Variants in RARRES1 observed in about 807,000 individuals in gnomAD.
RARRES1 encodes the protein retinoic acid receptor responder 1, also known as retinoic acid receptor responder protein 1.
RARRES1 carries 34 observed loss-of-function variants against 30.6 expected under a neutral mutation model. That is an observed-to-expected ratio of 1.11 (90% CI 0.84 to 1.48). The LOEUF (loss-of-function observed/expected upper bound fraction) is 1.48. Among genes scored for constraint, RARRES1 ranks in the 40% most tolerant of loss-of-function variants. RARRES1 has a pLI of 0.00. For synonymous variants in RARRES1, 153 were observed against 155.5 expected (o/e 0.98, Z 0.12); for missense variants, 373 against 386.5 (o/e 0.97, Z 0.29).
intron 1 of RARRES1, among the ~76,000 whole-genome samples, chr3:158,730,365 C>CCCCTTCCTTCCTTCCTTCCTTCCTTCCT (rs1553746330): frequency 8.3e-6 from 1 of 120,240 alleles, no homozygotes; most frequent in South Asian, 2.9e-4. Flanking sequence ...GAATAGGTTG[C>CCCCTTCCTTCCTTCCTTCCTTCCTTCCT]TCCTTCCTTC....
chr3:158,708,081 G>A (rs868027673), intron 3 of RARRES1, among the ~76,000 whole-genome samples: 8 of 152,120 alleles, frequency 5.3e-5, no homozygotes, highest in Admixed American at 1.3e-4. Context: ...AGCATTTCAC[G>A]AATGAATTTT....
In RARRES1 at chr3:158,707,041, C is replaced by T. The variant is rs544472736; in HGVS notation, c.536-2114G>A. On this transcript the variant is annotated intron_variant, in intron 3 of 5. Coordinates refer to ENST00000237696, the MANE Select transcript of RARRES1 (RefSeq NM_206963.2). The stretch of plus-strand genomic sequence containing the variant: ...AAAATTAGCTGGGTGTGGTGGCACA[C>T]GCCTGTAATCTCAGATACTCTGGAG... Among the ~76,000 whole-genome samples the T allele has an allele frequency of 4.6e-4, 70 of 152,180 alleles. 1 individual carries two copies. Among genetic ancestry groups the T allele is most frequent in the South Asian group, 8.3e-4 (4 of 4,820 alleles).
At chr3:158,702,156 G>A (rs906125289) in intron 4 of RARRES1, among the ~76,000 whole-genome samples, 3 of 152,110 alleles carry the variant, frequency 2.0e-5, no homozygotes, top group Non-Finnish European at 4.4e-5. Context: ...TCCTACCTCA[G>A]CCTCCCGAGT....
intron 1 of RARRES1, among the ~76,000 whole-genome samples, chr3:158,726,120 G>A (rs1034822768): frequency 6.6e-6 from 1 of 152,068 alleles, no homozygotes; most frequent in Non-Finnish European, 1.5e-5. Context: ...TTCTCCCTTA[G>A]TTCACTTGAG....
rs1215087147 is a variant in RARRES1 at position 158,710,831 on chromosome 3, G to A, written c.442C>T (p.Leu148Phe). The change falls in exon 3 of 6, where the codon CTC becomes TTC. Residue 148 changes from leucine (L) to phenylalanine (F), a missense_variant. Coordinates refer to ENST00000237696, the MANE Select transcript of RARRES1 (RefSeq NM_206963.2). ...RPTINVTCTR[L>F]IEKKKRQQED... is the part of the protein sequence containing the mutation. ...TGTTGTCTTTTCTTTTTCTCGATGAGCCGTGTACAAGTTACATTGATGGTT... is the reference window on the plus strand; with the variant it reads ...TGTTGTCTTTTCTTTTTCTCGATGAACCGTGTACAAGTTACATTGATGGTT... The A allele has an allele frequency of 1.9e-6, 3 of 1,613,122 alleles. No individual in the cohort carries two copies. In the African/African-American group the frequency reaches 4.0e-5, roughly 22 times the overall value.
intron 3 of RARRES1, among the ~76,000 whole-genome samples, chr3:158,708,807 C>T (rs918691357): frequency 1.3e-5 from 2 of 152,104 alleles, no homozygotes; most frequent in African/African-American, 4.8e-5. Flanking sequence ...GCTGGGACTA[C>T]AGGCGCATGC....
intron 3 of RARRES1, among the ~76,000 whole-genome samples, 182 bp downstream of exon 3, chr3:158,710,556 G>C (rs139993324): frequency 1.3e-5 from 2 of 152,200 alleles, no homozygotes; most frequent in Non-Finnish European, 2.9e-5. Flanking sequence ...TTACTGTGTT[G>C]GATTAGAGAT....
rs139216148 is a variant in RARRES1 at position 158,699,434 on chromosome 3, A to ACCC, written c.673-1467_673-1465dup. 6.3e-3 allele frequency among the ~76,000 whole-genome samples: 867 copies of ACCC among 137,692 alleles called. 8 individuals carry two copies. The highest frequency in any genetic ancestry group is 0.021 in the African/African-American group (770 of 36,296). The allele number at this position is 137,692 out of a possible 152,430, so 90.3% of individuals were successfully genotyped here. On this transcript the variant is annotated intron_variant, in intron 4 of 5. Coordinates refer to ENST00000237696, the MANE Select transcript of RARRES1 (RefSeq NM_206963.2). ...GAATACTAAAGAATACAAAAAAGCA[A>ACCC]CCCCCCCCCCACCAAAAAAGTTTAG...
rs938058778 is a variant in RARRES1, at chr3:158,697,728, C to T, written c.835G>A (p.Gly279Arg). The T allele has an allele frequency of 2.6e-5, 42 of 1,613,310 alleles. No homozygotes were observed. The East Asian group carries it at 2.7e-4, about 10-fold the overall frequency. The change falls in exon 6 of 6, where the codon GGA (glycine) becomes AGA (arginine). Residue 279 changes from glycine (G) to arginine (R), a missense_variant. Physicochemically the swap from Gly to Arg is moderately radical, Grantham distance 125. Coordinates refer to ENST00000237696, the MANE Select transcript of RARRES1 (RefSeq NM_206963.2). ...QELQTPEEAS[G>R]TEEGSAVVPT... is the part of the protein sequence containing the mutation. ...ACTACAGCTGATCCTTCTTCAGTTCCGGAGGCTTCTTCTGGTGTCTGTAGC... is the reference window on the plus strand; with the variant it reads ...ACTACAGCTGATCCTTCTTCAGTTCTGGAGGCTTCTTCTGGTGTCTGTAGC...
In RARRES1 at chr3:158,697,101, C is replaced by T. The variant is rs993860901; in HGVS notation, c.*577G>A. 1.3e-5 allele frequency: 2 copies of T among 152,140 alleles called. No individual in the cohort carries two copies. The highest frequency in any genetic ancestry group is 2.9e-5 in the Non-Finnish European group (2 of 68,014). 9.4% of individuals were successfully genotyped at this position (152,140 alleles called of 1,614,324 possible). ...CAAATCTTCACGAGAACATTCAACACATTTCATTATTTAGAAATGTAAACA... is the reference window on the plus strand; with the variant it reads ...CAAATCTTCACGAGAACATTCAACATATTTCATTATTTAGAAATGTAAACA... On this transcript the variant is annotated 3_prime_UTR_variant, in exon 6 of 6. Coordinates refer to ENST00000237696, the MANE Select transcript of RARRES1 (RefSeq NM_206963.2).
intron 4 of RARRES1, among the ~76,000 whole-genome samples, chr3:158,701,136 C>T (rs1330172438): frequency 6.6e-6 from 1 of 152,090 alleles, no homozygotes; most frequent in African/African-American, 2.4e-5. Flanking sequence ...GCTTACAAAC[C>T]TGGTACTGAT....
At chr3:158,722,639 T>C (rs560741230) in intron 1 of RARRES1, among the ~76,000 whole-genome samples, 2 of 152,112 alleles carry the variant, frequency 1.3e-5, no homozygotes, top group African/African-American at 4.8e-5. Context: ...TCCCAGCACT[T>C]TGGGAGGCCG....
At chr3:158,722,984 C>T (rs1727566718) in intron 1 of RARRES1, among the ~76,000 whole-genome samples, 1 of 152,122 alleles carries the variant, frequency 6.6e-6, no homozygotes, top group Non-Finnish European at 1.5e-5. Context: ...GGAGAAACCT[C>T]GCTGTGCACC....
chr3:158,730,252 G>A (rs1208327926), intron 1 of RARRES1, among the ~76,000 whole-genome samples: 4 of 150,786 alleles, frequency 2.7e-5, no homozygotes, highest in African/African-American at 7.3e-5. Flanking sequence ...CCTGGTAGGC[G>A]GAGGTTGCAG....
rs1727582433 is a variant in RARRES1 at position 158,723,634 on chromosome 3, T to C, written c.276+8506A>G. Among the ~76,000 whole-genome samples, 1 of 152,238 alleles carries C rather than the reference T, an allele frequency of 6.6e-6. No individual in the cohort carries two copies. The highest frequency in any genetic ancestry group is 1.5e-5 in the Non-Finnish European group (1 of 68,048). On this transcript the variant is annotated intron_variant, in intron 1 of 5. Coordinates refer to ENST00000237696, the MANE Select transcript of RARRES1 (RefSeq NM_206963.2). The surrounding 1 kb of genome is among the most constrained non-coding windows in gnomAD (Gnocchi z 4.4). ...GCAATGGAGAGGAAAGCCAGAATAC[T>C]GTGTGTCCTCTCTCTCAGCCAACCC...
At chr3:158,722,911 C>CT (rs1442474450) in intron 1 of RARRES1, among the ~76,000 whole-genome samples, 4 of 151,940 alleles carry the variant, frequency 2.6e-5, no homozygotes, top group Non-Finnish European at 1.5e-5. Context: ...CTAACATCCC[C>CT]TTTAAACTCT....
In RARRES1 at chr3:158,704,210, CTTTT is replaced by C. The variant is rs78169321; in HGVS notation, c.672+577_672+580del. On this transcript the variant is annotated intron_variant, in intron 4 of 5. Transcript: ENST00000237696. ...AGGCCTTGCCTAGAATATTGCAATA[CTTTT>C]TTTTTTTTTTTTTTTTTTTTTTTTT... 1.4e-4 allele frequency among the ~76,000 whole-genome samples: 12 copies of C among 82,830 alleles called. No individual in the cohort carries two copies. The East Asian group carries it at 4.8e-3, about 33-fold the overall frequency. 54.3% of individuals were successfully genotyped at this position (82,830 alleles called of 152,430 possible).
At chr3:158,726,951 C>T (rs1377626337) in intron 1 of RARRES1, among the ~76,000 whole-genome samples, 1 of 152,154 alleles carries the variant, frequency 6.6e-6, no homozygotes, top group Non-Finnish European at 1.5e-5. Flanking sequence ...AATTCTTGCT[C>T]TGAGATCTGG....
At chr3:158,714,555 C>T (rs1001967037) in intron 1 of RARRES1, among the ~76,000 whole-genome samples, 16 of 152,280 alleles carry the variant, frequency 1.1e-4, no homozygotes, top group Admixed American at 2.0e-4. Context: ...CTCTTTCTTT[C>T]GTTTGCAGTT....
Sources: gnomAD v4.1 joint callset for allele counts (sites outside exome capture counted in the v4.1 genomes callset) on GRCh38, gnomAD v4.1.1 for gene constraint, Gnocchi (gnomAD v3.1) non-coding constraint, MANE v1.5 for transcripts, NCBI Gene and HGNC (gene_info 2026-07-23, HGNC 2026-07-21) for gene names.